IGSF5: variants seen among roughly 807,000 people sequenced by gnomAD.
IGSF5 encodes immunoglobulin superfamily 5 like.
A neutral mutation model predicts 39.4 loss-of-function variants in IGSF5; 41 were observed. The ratio of observed to expected loss-of-function variants is 1.04; its 90% confidence interval spans 0.81 to 1.35. The LOEUF (loss-of-function observed/expected upper bound fraction) is 1.35. IGSF5 is among the 40% of genes most tolerant of loss of function. The probability of loss-of-function intolerance (pLI) is 0.00; values close to 1 mark genes in which losing one functional copy is unlikely to be tolerated. For synonymous variants in IGSF5, 183 were observed against 175.3 expected (o/e 1.04, Z -0.34); for missense variants, 487 against 494.6 (o/e 0.98, Z 0.15).
intron 2 of IGSF5, 59 bp from the exon 3 acceptor site, chr21:39,765,476 C>A: frequency 6.7e-7 from 1 of 1,493,220 alleles, no homozygotes; most frequent in Non-Finnish European, 9.3e-7. Context: ...GGTTACAGCA[C>A]ACAGTTGATT....
At chr21:39,760,165 G>T (rs1344585312) in intron 2 of IGSF5, among the ~76,000 whole-genome samples, 1 of 152,010 alleles carries the variant, frequency 6.6e-6, no homozygotes, top group African/African-American at 2.4e-5. Context: ...ACCTCTCCTT[G>T]CCACCATTCC....
chr21:39,757,141 A>G (rs955231381), intron 2 of IGSF5, among the ~76,000 whole-genome samples: 1 of 151,648 alleles, frequency 6.6e-6, no homozygotes, highest in African/African-American at 2.4e-5. Context: ...TTCGCTGTGC[A>G]TGGTGCACCT....
upstream of IGSF5, among the ~76,000 whole-genome samples, chr21:39,742,543 T>C (rs2079952918): frequency 6.6e-6 from 1 of 152,250 alleles, no homozygotes; most frequent in African/African-American, 2.4e-5. Context: ...ATCATCTGGT[T>C]AGTGTCTTCT....
intron 5 of IGSF5, among the ~76,000 whole-genome samples, chr21:39,786,439 A>G (rs1285822182): frequency 1.4e-5 from 2 of 145,488 alleles, no homozygotes. Flanking sequence ...AATGGCAATC[A>G]TTAAAAAGTC....
At chr21:39,742,167 C>T (rs910734846), upstream of IGSF5, among the ~76,000 whole-genome samples, 1 of 151,744 alleles carries the variant, frequency 6.6e-6, no homozygotes, top group Non-Finnish European at 1.5e-5. Flanking sequence ...CAGGAGACGA[C>T]AAATGGGTGT....
At chr21:39,775,934 G>A (rs984215105) in intron 4 of IGSF5, among the ~76,000 whole-genome samples, 1 of 152,176 alleles carries the variant, frequency 6.6e-6, no homozygotes, top group Non-Finnish European at 1.5e-5. Flanking sequence ...GGAAAGATAT[G>A]AGCCAGTGGC....
At position 39,788,192 on chromosome 21, in the gene IGSF5, A is replaced by T. The variant is rs192464932; in HGVS notation, c.956+4A>T. 5.1e-5 allele frequency: 81 copies of T among 1,586,408 alleles called. No homozygotes were observed. In the African/African-American group the frequency reaches 1.0e-3, roughly 20 times the overall value. ...GATTTCGTATTCAATTTCAAAAGTA[A>T]GTTTGAAACCACATCTATTTTCTGA... On this transcript the variant is annotated splice_donor_region_variant and intron_variant, in intron 6 of 8. Coordinates refer to ENST00000380588, the MANE Select transcript of IGSF5 (RefSeq NM_001080444.2).
At position 39,745,542 on chromosome 21, in the gene IGSF5, T is replaced by G; in HGVS notation, c.17+16T>G. ...AGAAGGAAAGGTAAGGGCGCATGCG[T>G]GGGCGACTGTTGAGTAGAGACTTCT... On this transcript the variant is annotated intron_variant, in intron 1 of 8. Coordinates refer to ENST00000380588, the MANE Select transcript of IGSF5 (RefSeq NM_001080444.2). The G allele has an allele frequency of 1.4e-6, 1 of 717,014 alleles. No individual in the cohort carries two copies. The allele number at this position is 717,014 out of a possible 1,614,324, so 44.4% of individuals were successfully genotyped here.
intron 4 of IGSF5, among the ~76,000 whole-genome samples, chr21:39,776,811 C>A (rs1239460691): frequency 1.3e-5 from 2 of 152,076 alleles, no homozygotes; most frequent in East Asian, 3.9e-4. Context: ...CTGTCTTATG[C>A]CAGTGAGAAT....
chr21:39,781,421 C>A (rs534392816), intron 5 of IGSF5, among the ~76,000 whole-genome samples: 1 of 152,278 alleles, frequency 6.6e-6, no homozygotes, highest in African/African-American at 2.4e-5. Context: ...TTTGCAATTA[C>A]AAGCAATGTT....
intron 4 of IGSF5, among the ~76,000 whole-genome samples, chr21:39,773,978 C>G (rs923777987): frequency 6.6e-6 from 1 of 152,026 alleles, no homozygotes; most frequent in African/African-American, 2.4e-5. Flanking sequence ...CACTTAATTT[C>G]CCTTGGTCAG....
chr21:39,750,873 G>A (rs990458888), intron 2 of IGSF5, among the ~76,000 whole-genome samples: 5 of 152,272 alleles, frequency 3.3e-5, no homozygotes, highest in African/African-American at 9.6e-5. Flanking sequence ...TGGGCAGGAA[G>A]GATCTGTCAG....
intron 2 of IGSF5, among the ~76,000 whole-genome samples, chr21:39,764,316 G>A (rs2080075094): frequency 6.6e-6 from 1 of 152,104 alleles, no homozygotes; most frequent in Non-Finnish European, 1.5e-5. Flanking sequence ...GAAACCTTTA[G>A]GGCTATAATG....
At chr21:39,770,143 C>T (rs1428662974) in intron 3 of IGSF5, among the ~76,000 whole-genome samples, 2 of 152,274 alleles carry the variant, frequency 1.3e-5, no homozygotes, top group East Asian at 1.9e-4. Context: ...TATATGTATA[C>T]ACATTTCACT....
chr21:39,736,415 C>A, the IGSF5 span, among the ~76,000 whole-genome samples: 1 of 151,722 alleles, frequency 6.6e-6, no homozygotes, highest in African/African-American at 2.4e-5. Flanking sequence ...TGAAATAATG[C>A]AAATCTCCCA....
chr21:39,724,511 G>C, the IGSF5 span, among the ~76,000 whole-genome samples: 7 of 152,132 alleles, frequency 4.6e-5, no homozygotes, highest in African/African-American at 1.7e-4. Flanking sequence ...AGATCTGATG[G>C]TTTTTAAATG....
At chr21:39,741,546 T>C (rs1459182548), upstream of IGSF5, among the ~76,000 whole-genome samples, 1 of 152,212 alleles carries the variant, frequency 6.6e-6, no homozygotes, top group African/African-American at 2.4e-5. Flanking sequence ...GCACAAGGTT[T>C]CTGAACGGGC....
intron 5 of IGSF5, 80 bp from the exon 6 acceptor site, chr21:39,788,087 G>C: frequency 9.7e-7 from 1 of 1,034,932 alleles, no homozygotes; most frequent in Non-Finnish European, 1.5e-6. Context: ...TAAAATAAGG[G>C]AGTGTATAAA....
intron 2 of IGSF5, among the ~76,000 whole-genome samples, chr21:39,750,053 A>G (rs2079997367): frequency 6.6e-6 from 1 of 152,216 alleles, no homozygotes; most frequent in Non-Finnish European, 1.5e-5. Context: ...TGAAGGAGGT[A>G]TGCAGCTTTT....
Sources: allele counts gnomAD v4.1 joint callset (sites outside exome capture counted in the v4.1 genomes callset), GRCh38; gene constraint gnomAD v4.1.1; transcripts MANE v1.5; gene names NCBI Gene and HGNC (gene_info 2026-07-23, HGNC 2026-07-21).